TRMT11: variants seen among roughly 807,000 people sequenced by gnomAD.
TRMT11 encodes the protein tRNA (guanine(10)-N(2))-methyltransferase TRMT11.
Under a neutral mutation model 62.8 loss-of-function variants are expected in TRMT11, and 53 were observed. The observed-to-expected ratio is 0.84, with a 90% CI of 0.68 to 1.06. TRMT11 has a LOEUF of 1.06. TRMT11 is among the 50% of genes least tolerant of loss of function. The pLI, the probability that TRMT11 is intolerant of heterozygous loss-of-function variation, is 0.00. For synonymous variants in TRMT11, 188 were observed against 190.3 expected (o/e 0.99, Z 0.10); for missense variants, 556 against 553.4 (o/e 1.00, Z -0.05).
chr6:126,032,039 G>T (rs950565184), intron 12 of TRMT11, among the ~76,000 whole-genome samples: 1 of 152,128 alleles, frequency 6.6e-6, no homozygotes, highest in African/African-American at 2.4e-5. Context: ...TGAGGGAGAT[G>T]AGCTAAGGGT....
chr6:126,031,081 G>A (rs1774108061), intron 12 of TRMT11, among the ~76,000 whole-genome samples: 1 of 152,082 alleles, frequency 6.6e-6, no homozygotes, highest in Non-Finnish European at 1.5e-5. Context: ...AGGAGGTTGA[G>A]GAAATTCATA....
At chr6:126,257,827 G>T in the TRMT11 span, 1 of 927,356 alleles carries the variant, frequency 1.1e-6, no homozygotes, top group East Asian at 2.6e-5. Flanking sequence ...TCATGGCACT[G>T]AGCCTGGCCA....
chr6:126,115,170 C>T (rs1485229677), intron 19 of TRMT11, among the ~76,000 whole-genome samples: 2 of 152,058 alleles, frequency 1.3e-5, no homozygotes, highest in Middle Eastern at 3.2e-3. Flanking sequence ...TTGTGCACAG[C>T]GAGAGTGCCT....
intron 21 of TRMT11, among the ~76,000 whole-genome samples, chr6:126,158,735 A>G (rs1032962777): frequency 3.9e-5 from 6 of 152,192 alleles, no homozygotes; most frequent in Non-Finnish European, 8.8e-5. Context: ...TGTCGAGCCA[A>G]ATTTTAGGGA....
chr6:126,064,825 T>G (rs1776640674), intron 17 of TRMT11, among the ~76,000 whole-genome samples: 1 of 152,188 alleles, frequency 6.6e-6, no homozygotes, highest in Non-Finnish European at 1.5e-5. Flanking sequence ...CACCCAGAGG[T>G]GGTTTTTGTT....
At chr6:126,269,355 C>T in the TRMT11 span, among the ~76,000 whole-genome samples, 4 of 145,822 alleles carry the variant, frequency 2.7e-5, no homozygotes, top group Non-Finnish European at 6.0e-5. Flanking sequence ...AAGCAAAATA[C>T]ACCTCTATAC....
At position 125,998,085 on chromosome 6, in the gene TRMT11, C is replaced by T. The variant is rs1583648785; in HGVS notation, c.245C>T (p.Ser82Phe). ...TTTGAACTATGGGGTCATGGACAAT[C>T]TCCTGAGGAGCTGTACAGTTCTCTT... is the stretch of plus-strand genomic sequence containing the variant. The part of the protein sequence containing the change: ...SIFELWGHGQ[S>F]PEELYSSLKN... Residue 82 changes from serine to phenylalanine, a missense_variant, in exon 4 of 13, where the codon TCT (serine) becomes TTT (phenylalanine). Physicochemically the swap from Ser to Phe is radical, Grantham distance 155. Coordinates refer to ENST00000334379, the MANE Select transcript of TRMT11 (RefSeq NM_001031712.3). 6.2e-7 allele frequency: 1 copy of T among 1,613,324 alleles called. No individual in the cohort carries two copies.
chr6:126,167,232 G>A (rs890068839), intron 21 of TRMT11, among the ~76,000 whole-genome samples: 3 of 152,180 alleles, frequency 2.0e-5, no homozygotes, highest in South Asian at 4.1e-4. Context: ...GAAACCCAGG[G>A]CCCTGGTGGT....
At chr6:126,116,357 T>C (rs924650829) in intron 21 of TRMT11, among the ~76,000 whole-genome samples, 2 of 152,062 alleles carry the variant, frequency 1.3e-5, no homozygotes, top group African/African-American at 4.8e-5. Context: ...GCTAGGTCTG[T>C]CTTAGCTGAG....
chr6:126,106,767 G>T (rs1777469364), intron 17 of TRMT11, among the ~76,000 whole-genome samples: 1 of 152,050 alleles, frequency 6.6e-6, no homozygotes, highest in Admixed American at 6.6e-5. Context: ...TTAGCCCAGG[G>T]CTGGCATATA....
chr6:126,081,642 G>A (rs1385981823), intron 17 of TRMT11, among the ~76,000 whole-genome samples: 1 of 152,118 alleles, frequency 6.6e-6, no homozygotes, highest in Non-Finnish European at 1.5e-5. Context: ...TGCTTTGTAA[G>A]CAGTTAAAAC....
the TRMT11 span, among the ~76,000 whole-genome samples, chr6:126,267,769 A>G: frequency 6.6e-6 from 1 of 152,300 alleles, no homozygotes; most frequent in African/African-American, 2.4e-5. Context: ...TTTGCTATAA[A>G]TCTGAAGACT....
Position 125,993,840 on chromosome 6 carries a change from T to A in TRMT11, c.138+18T>A, listed in dbSNP as rs1159681936. 6.5e-7 allele frequency: 1 copy of A among 1,534,520 alleles called. No homozygotes were observed. Among genetic ancestry groups the A allele is most frequent in the Non-Finnish European group, 9.0e-7 (1 of 1,108,442 alleles). ...ATGGAAAGGTAAGTTAAATTTTCAT[T>A]AGACCATATGGAGTATACTTAGAAA... On this transcript the variant is annotated intron_variant, in intron 2 of 12. Transcript: ENST00000334379.
intron 17 of TRMT11, among the ~76,000 whole-genome samples, chr6:126,066,936 A>T (rs931952379): frequency 1.3e-5 from 2 of 151,812 alleles, no homozygotes; most frequent in East Asian, 1.9e-4. Flanking sequence ...AAAAAAAAAA[A>T]AATAAGGGCC....
In TRMT11 at chr6:125,992,044, G is replaced by A. The variant is rs142991408; in HGVS notation, c.73-1713G>A. Among the ~76,000 whole-genome samples, 148 of 152,320 alleles carry A rather than the reference G, an allele frequency of 9.7e-4. 1 individual carries two copies. The East Asian group carries it at 0.027, about 28-fold the overall frequency. On this transcript the variant is annotated intron_variant, in intron 1 of 12. Transcript: ENST00000334379. ...ATTTTTTATTCCTAATATAGAAAGAGTCTCAACTGGAAAGTTGAATTTGCC... is the reference window on the plus strand; with the variant it reads ...ATTTTTTATTCCTAATATAGAAAGAATCTCAACTGGAAAGTTGAATTTGCC...
intron 21 of TRMT11, among the ~76,000 whole-genome samples, chr6:126,168,251 G>A (rs569028715): frequency 6.6e-6 from 1 of 152,342 alleles, no homozygotes; most frequent in South Asian, 2.1e-4. Flanking sequence ...GTGTTAGGGG[G>A]AGTTCTTTAT....
chr6:126,241,982 G>C, the TRMT11 span, among the ~76,000 whole-genome samples: 1 of 152,176 alleles, frequency 6.6e-6, no homozygotes, highest in African/African-American at 2.4e-5. Flanking sequence ...TAGGAAAAGA[G>C]GAAGTCAAAT....
intron 12 of TRMT11, among the ~76,000 whole-genome samples, chr6:126,035,722 G>A (rs747515415): frequency 4.5e-4 from 69 of 152,038 alleles, no homozygotes; most frequent in Non-Finnish European, 9.3e-4. Flanking sequence ...AGTAGTGAGT[G>A]TTTTCTCAAT....
At chr6:126,178,278 T>A (rs548837631) in intron 1 of TRMT11, among the ~76,000 whole-genome samples, 1 of 152,302 alleles carries the variant, frequency 6.6e-6, no homozygotes, top group East Asian at 1.9e-4. Context: ...CCAAAGACTG[T>A]TCCATGTGAG....
Sources: gnomAD v4.1 joint callset for allele counts (sites outside exome capture counted in the v4.1 genomes callset) on GRCh38, gnomAD v4.1.1 for gene constraint, MANE v1.5 for transcripts, NCBI Gene and HGNC (gene_info 2026-07-23, HGNC 2026-07-21) for gene names.